Variants in CEP170B observed in about 807,000 individuals in gnomAD.
CEP170B encodes centrosomal protein 170B.
CEP170B carries 55 observed loss-of-function variants against 120.6 expected under a neutral mutation model. The observed-to-expected ratio is 0.46, with a 90% CI of 0.37 to 0.57. The LOEUF (loss-of-function observed/expected upper bound fraction) is 0.57. Ranked by LOEUF, CEP170B falls within the 20% of genes least tolerant of loss-of-function variation. The pLI, the probability that CEP170B is intolerant of heterozygous loss-of-function variation, is 0.00. For synonymous variants in CEP170B, 1,033 were observed against 954.5 expected (o/e 1.08, Z -1.52); for missense variants, 2,212 against 2,253.3 (o/e 0.98, Z 0.37).
chr14:104,875,250 T>C (rs1232186854), intron 2 of CEP170B, among the ~76,000 whole-genome samples: 1 of 152,138 alleles, frequency 6.6e-6, no homozygotes, highest in Non-Finnish European at 1.5e-5. Context: ...GTCCCAGGGC[T>C]GGGGGACTTC....
Position 104,872,448 on chromosome 14 carries a change from ATGTGTGTGCGTGTGGGTGTGCCG to A in CEP170B, c.106-3793_106-3771del, listed in dbSNP as rs1349624944. ...CCGTGCGTGTGTGCGTGTGTGTGCCATGTGTGTGCGTGTGGGTGTGCCGTGTGTGTGCGTGTGTGCCGTGTGTG... is the reference window on the plus strand; with the variant it reads ...CCGTGCGTGTGTGCGTGTGTGTGCCATGTGTGTGCGTGTGTGCCGTGTGTG... On this transcript the variant is annotated intron_variant, in intron 2 of 18. Coordinates refer to ENST00000414716, the MANE Select transcript of CEP170B (RefSeq NM_001112726.3). Among the ~76,000 whole-genome samples, 27 of 69,234 alleles carry A rather than the reference ATGTGTGTGCGTGTGGGTGTGCCG, an allele frequency of 3.9e-4. 1 individual carries two copies. Among genetic ancestry groups the A allele is most frequent in the African/African-American group, 2.4e-3 (26 of 10,676 alleles). 45.4% of individuals were successfully genotyped at this position (69,234 alleles called of 152,430 possible). A position where few individuals can be genotyped will look rare whatever the true frequency, so the allele number is the denominator to read the frequency against.
At chr14:104,877,846 GCA>G in intron 3 of CEP170B, 37 bp from the exon 4 acceptor site, 1 of 316,220 alleles carries the variant, frequency 3.2e-6, no homozygotes. Flanking sequence ...ACCCACCCGC[GCA>G]GCTCCCCCCC....
chr14:104,870,651 G>A lies in CEP170B; in HGVS notation c.105+2096G>A, dbSNP rs547117627. 6.6e-6 allele frequency among the ~76,000 whole-genome samples: 1 copy of A among 152,272 alleles called. No individual in the cohort carries two copies. The highest frequency in any genetic ancestry group is 1.9e-4 in the East Asian group (1 of 5,184). On this transcript the variant is annotated intron_variant, in intron 2 of 18. Transcript: ENST00000414716. The surrounding 1 kb of genome is among the most constrained non-coding windows in gnomAD (Gnocchi z 4.1). ...TCCCTGGGGTAGGGGAAAAGTGCTG[G>A]GGGCAGGGTGCTCAGGGTGAGTTTG...
chr14:104,872,493 T>TCTGCGTGTGTGCC (rs1895624401), intron 2 of CEP170B, among the ~76,000 whole-genome samples: 1 of 80,356 alleles, frequency 1.2e-5, no homozygotes, highest in Non-Finnish European at 3.6e-5. Context: ...GTGTGCCGTG[T>TCTGCGTGTGTGCC]GTGTGTGCGT....
In CEP170B at chr14:104,892,998, G is replaced by C; in HGVS notation, c.3901G>C (p.Asp1301His). ...CAGGCTGAGCCAGACGCTGGTGAAG[G>C]ACGTGGCCATCCTAGCCCAGGAGAT... ...IARLSQTLVK[D>H]VAILAQEIHD... Residue 1301 changes from aspartate to histidine, a missense_variant, in exon 14 of 19, where the codon GAC becomes CAC. Asp to His is a moderately conservative substitution (Grantham distance 81). This residue lies in a region of CEP170B where 2,166 missense variants were observed against 2,166.7 expected (regional missense o/e 1.00). Transcript: ENST00000414716. 6.4e-7 allele frequency: 1 copy of C among 1,573,694 alleles called. No individual in the cohort carries two copies. Among genetic ancestry groups the C allele is most frequent in the Non-Finnish European group, 8.6e-7 (1 of 1,160,816 alleles).
rs1453512004 is a variant in CEP170B, at chr14:104,865,782, G to A, written c.-28+269G>A. Among the ~76,000 whole-genome samples, 1 of 152,042 alleles carries A rather than the reference G, an allele frequency of 6.6e-6. No homozygotes were observed. The highest frequency in any genetic ancestry group is 2.4e-5 in the African/African-American group (1 of 41,410). On this transcript the variant is annotated intron_variant, in intron 1 of 18. Transcript: ENST00000414716. This position sits in a 1 kb window ranked among gnomAD's most constrained non-coding sequence, Gnocchi z 6.7. ...GCACCCGGGTCCCCGCCCCGGCACC[G>A]GCTCGGCCATGGCCGCCCCCGGAGA...
rs1365790842 is a variant in CEP170B at position 104,889,768 on chromosome 14, C to T, written c.3878+10C>T. On this transcript the variant is annotated intron_variant, in intron 13 of 18. Transcript: ENST00000414716. Reference sequence around the variant, plus strand: ...TTGCGGAGATTGCCAGGTGAGTAGCCCATTCAGAGTAAATCCACTGGGTGC... The same window carrying T: ...TTGCGGAGATTGCCAGGTGAGTAGCTCATTCAGAGTAAATCCACTGGGTGC... 6.3e-7 allele frequency: 1 copy of T among 1,597,624 alleles called. No individual in the cohort carries two copies. Among genetic ancestry groups the T allele is most frequent in the East Asian group, 2.3e-5 (1 of 44,370 alleles).
At chr14:104,881,483 G>C (rs1177988189) in intron 6 of CEP170B, among the ~76,000 whole-genome samples, 1 of 152,234 alleles carries the variant, frequency 6.6e-6, no homozygotes, top group African/African-American at 2.4e-5. Context: ...GCCGGTGTCT[G>C]GTTGGGATGC....
At position 104,892,787 on chromosome 14, in the gene CEP170B, G is replaced by A. The variant is rs543546244; in HGVS notation, c.3879-189G>A. On this transcript the variant is annotated intron_variant, in intron 13 of 18. Coordinates refer to ENST00000414716, the MANE Select transcript of CEP170B (RefSeq NM_001112726.3). ...CTGTGGGGAGTTTGGCCTCCCTTTG[G>A]GGCCGTGGCCAGTGCCTGTGTAACC... Among the ~76,000 whole-genome samples the A allele has an allele frequency of 5.4e-3, 826 of 152,356 alleles. 4 individuals are homozygous for A. The highest frequency in any genetic ancestry group is 9.9e-3 in the Admixed American group (152 of 15,302).
Position 104,882,465 on chromosome 14 carries a change from G to A in CEP170B, c.473-263G>A, listed in dbSNP as rs577801839. ...AGGGGAGAGAGGAGGGGCCAGGCAG[G>A]GAGGAGGGGCCAGGCAGGCAGGGAG... On this transcript the variant is annotated intron_variant, in intron 6 of 18. Coordinates refer to ENST00000414716, the MANE Select transcript of CEP170B (RefSeq NM_001112726.3). 4.0e-5 allele frequency among the ~76,000 whole-genome samples: 6 copies of A among 148,910 alleles called. No individual in the cohort carries two copies. In the South Asian group the frequency reaches 1.3e-3, roughly 32 times the overall value.
rs1284065686 is a variant in CEP170B, at chr14:104,886,020, T to C, written c.1945-20T>C. The C allele has an allele frequency of 3.3e-6, 5 of 1,520,434 alleles. No homozygotes were observed. In the South Asian group the frequency reaches 4.9e-5, roughly 15 times the overall value. The allele number at this position is 1,520,434 out of a possible 1,614,324, so 94.2% of individuals were successfully genotyped here. A position where few individuals can be genotyped will look rare whatever the true frequency, so the allele number is the denominator to read the frequency against. ...CCGTTGGGCTTGCGTGTGGAAACAC[T>C]CCCACCCTCCTCTCCACAGGGCCTC... On this transcript the variant is annotated intron_variant, in intron 10 of 18. Transcript: ENST00000414716.
At chr14:104,889,201 G>A (rs1896666134) in intron 12 of CEP170B, among the ~76,000 whole-genome samples, 1 of 152,294 alleles carries the variant, frequency 6.6e-6, no homozygotes, top group East Asian at 1.9e-4. Flanking sequence ...GGGTCTGTCA[G>A]GCACTGCTTT....
chr14:104,865,635 G>A lies in CEP170B; in HGVS notation c.-28+122G>A, dbSNP rs1305255674. On this transcript the variant is annotated intron_variant, in intron 1 of 18. Coordinates refer to ENST00000414716, the MANE Select transcript of CEP170B (RefSeq NM_001112726.3). The surrounding 1 kb of genome is among the most constrained non-coding windows in gnomAD (Gnocchi z 6.7). ...AGGCCGGACAAAGGCGCGGGGGTTG[G>A]GGGCCGCCCGGCGCACCTGGTCAGG... The A allele has an allele frequency of 1.3e-5, 2 of 151,616 alleles. No homozygotes were observed. Among genetic ancestry groups the A allele is most frequent in the East Asian group, 3.9e-4 (2 of 5,148 alleles). The allele number at this position is 151,616 out of a possible 1,614,324, so 9.4% of individuals were successfully genotyped here.
Position 104,887,529 on chromosome 14 carries a change from G to T in CEP170B, c.3290G>T (p.Arg1097Leu). The T allele has an allele frequency of 6.2e-7, 1 of 1,610,792 alleles. No individual in the cohort carries two copies. Among genetic ancestry groups the T allele is most frequent in the Non-Finnish European group, 8.5e-7 (1 of 1,179,358 alleles). ...PSPAAREEQS[R>L]SSASSQKGPQ... ...CCAGCTGCCCGGGAGGAGCAGAGCC[G>T]TAGCTCAGCCAGCTCCCAGAAGGGG... Residue 1097 changes from arginine to leucine, a missense_variant, in exon 12 of 19, where the codon CGT becomes CTT. Transcript: ENST00000414716.
rs1283699782 is a variant in CEP170B at position 104,868,867 on chromosome 14, C to T, written c.105+312C>T. On this transcript the variant is annotated intron_variant, in intron 2 of 18. Coordinates refer to ENST00000414716, the MANE Select transcript of CEP170B (RefSeq NM_001112726.3). The surrounding 1 kb of genome is among the most constrained non-coding windows in gnomAD (Gnocchi z 5.9). ...TGGGGTCCCTAGAAGCGTGAGTTGG[C>T]GTCCTTTTGCAGAGAGGGAGCTGAG... Among the ~76,000 whole-genome samples the T allele has an allele frequency of 2.0e-5, 3 of 152,206 alleles. No individual in the cohort carries two copies. In the East Asian group the frequency reaches 5.8e-4, roughly 29 times the overall value.
rs905721678 is a variant in CEP170B at position 104,870,931 on chromosome 14, C to G, written c.105+2376C>G. Among the ~76,000 whole-genome samples, 1 of 152,002 alleles carries G rather than the reference C, an allele frequency of 6.6e-6. No individual in the cohort carries two copies. The highest frequency in any genetic ancestry group is 1.5e-5 in the Non-Finnish European group (1 of 67,964). On this transcript the variant is annotated intron_variant, in intron 2 of 18. Transcript: ENST00000414716. The surrounding 1 kb of genome is among the most constrained non-coding windows in gnomAD (Gnocchi z 4.1). ...TGCCCCTGCAGCGGCCTCCTACCTG[C>G]CCACCGCTGCCCCCTGCCGGCCTCT... is the stretch of plus-strand genomic sequence containing the variant.
Position 104,885,403 on chromosome 14 carries a change from G to C in CEP170B, c.1805G>C (p.Arg602Thr). 1 of 1,570,060 alleles carries C rather than the reference G, an allele frequency of 6.4e-7. No homozygotes were observed. Among genetic ancestry groups the C allele is most frequent in the Non-Finnish European group, 8.6e-7 (1 of 1,158,004 alleles). Residue 602 changes from arginine (R) to threonine (T), a missense_variant, in exon 10 of 19, where the codon AGG becomes ACG. By Grantham distance (71) the Arg-to-Thr change is moderately conservative. Around this residue, in one of 2 missense-constraint regions of CEP170B, gnomAD observed 2,166 missense variants for 2,166.7 expected, o/e 1.00. Coordinates refer to ENST00000414716, the MANE Select transcript of CEP170B (RefSeq NM_001112726.3). ...FGVLESPELS[R>T]ASSATFRPVI... The stretch of plus-strand genomic sequence containing the variant: ...GTGTTGGAGTCCCCTGAACTCTCCA[G>C]GGCATCTTCGGCCACCTTTCGCCCA...
intron 3 of CEP170B, among the ~76,000 whole-genome samples, chr14:104,877,445 G>T (rs1595325780): frequency 6.6e-6 from 1 of 152,322 alleles, no homozygotes. Context: ...GCAGCCTGGA[G>T]GGGGGTATCA....
chr14:104,891,068 T>G lies in CEP170B; in HGVS notation c.3878+1310T>G. Among the ~76,000 whole-genome samples the G allele has an allele frequency of 2.6e-5, 3 of 115,320 alleles. No homozygotes were observed. Among genetic ancestry groups the G allele is most frequent in the African/African-American group, 6.4e-5 (2 of 31,358 alleles). 75.7% of individuals were successfully genotyped at this position (115,320 alleles called of 152,430 possible). ...ATGGATGAGTGGGTGGGTGGATGGA[T>G]GGATGGATGGATGGAGAGTGAGTGG... is the stretch of plus-strand genomic sequence containing the variant. On this transcript the variant is annotated intron_variant, in intron 13 of 18. Transcript: ENST00000414716. This position sits in a 1 kb window ranked among gnomAD's most constrained non-coding sequence, Gnocchi z 4.3.
Sources: allele counts gnomAD v4.1 joint callset (sites outside exome capture counted in the v4.1 genomes callset), GRCh38; gene constraint gnomAD v4.1.1; regional missense constraint gnomAD v4.1.1; non-coding constraint Gnocchi (gnomAD v3.1); transcripts MANE v1.5; gene names NCBI Gene and HGNC (gene_info 2026-07-23, HGNC 2026-07-21).